ADGRG2: variants seen among roughly 807,000 people sequenced by gnomAD.
ADGRG2 encodes adhesion G protein-coupled receptor G2.
ADGRG2 carries 26 observed loss-of-function variants against 74.1 expected under a neutral mutation model. The ratio of observed to expected loss-of-function variants is 0.35; its 90% CI spans 0.26 to 0.49. The LOEUF (loss-of-function observed/expected upper bound fraction) is 0.49. Ranked by LOEUF, ADGRG2 falls within the 20% of genes least tolerant of loss-of-function variation. ADGRG2 has a pLI of 0.99. For synonymous variants in ADGRG2, 296 were observed against 295.2 expected, an observed-to-expected ratio of 1.00 and a Z score of -0.03; for missense variants, 619 against 763.1, an observed-to-expected ratio of 0.81 and a Z score of 2.22.
chrX:19,100,174 A>G (rs1427896359), intron 1 of ADGRG2, among the ~76,000 whole-genome samples: 1 of 112,883 alleles, frequency 8.9e-6, no homozygotes, highest in Non-Finnish European at 1.9e-5. Context: ...TTCAACACTC[A>G]GATGACATCG....
chrX:19,016,981 G>A (rs981203080), intron 15 of ADGRG2, among the ~76,000 whole-genome samples: 4 of 110,664 alleles, frequency 3.6e-5, no homozygotes, highest in African/African-American at 1.3e-4. Context: ...CTCCCACCTC[G>A]GCCTCCCAAA....
chrX:19,049,139 T>C (rs1224254867), intron 3 of ADGRG2, among the ~76,000 whole-genome samples: 3 of 112,186 alleles, frequency 2.7e-5, no homozygotes, highest in African/African-American at 9.7e-5. Context: ...CTGGAACACT[T>C]TTCCCCCAGA....
intron 11 of ADGRG2, among the ~76,000 whole-genome samples, chrX:19,024,183 T>C (rs1313249096): frequency 8.9e-6 from 1 of 112,050 alleles, no homozygotes; most frequent in East Asian, 2.8e-4. Context: ...AAGTGAGTTA[T>C]AAATTATGAT....
rs1017785243 is a variant in ADGRG2 at position 19,068,439 on chromosome X, G to C, written c.118+278C>G. 3.7e-5 allele frequency among the ~76,000 whole-genome samples: 4 copies of C among 109,366 alleles called. No homozygotes were observed. The Admixed American group carries it at 3.9e-4, about 11-fold the overall frequency. 95.0% of individuals were successfully genotyped at this position (109,366 alleles called of 115,157 possible). On this transcript the variant is annotated intron_variant, in intron 3 of 28. Coordinates refer to ENST00000379869, the MANE Select transcript of ADGRG2 (RefSeq NM_001079858.3). ...AATACATAGAAAGAACAGGAACAGAGGTTACCAGGAAGGGGTGGGGGGGAA... is the reference window on the plus strand; with the variant it reads ...AATACATAGAAAGAACAGGAACAGACGTTACCAGGAAGGGGTGGGGGGGAA...
chrX:19,106,374 C>T (rs1324362867), intron 1 of ADGRG2, among the ~76,000 whole-genome samples: 1 of 110,301 alleles, frequency 9.1e-6, no homozygotes, highest in Non-Finnish European at 1.9e-5. Flanking sequence ...AAACAGACAC[C>T]TAGTTGCTCT....
chrX:19,041,498 A>G (rs1025774550), intron 3 of ADGRG2, among the ~76,000 whole-genome samples: 5 of 112,275 alleles, frequency 4.5e-5, no homozygotes, highest in Non-Finnish European at 7.5e-5. Context: ...AATAGGAAAG[A>G]ATAAGTATGT....
chrX:19,097,760 C>T, intron 1 of ADGRG2, among the ~76,000 whole-genome samples: 1 of 111,718 alleles, frequency 9.0e-6, no homozygotes, highest in Non-Finnish European at 1.9e-5. Context: ...TGCTCAGGCA[C>T]CTTCCCATTC....
intron 3 of ADGRG2, among the ~76,000 whole-genome samples, chrX:19,064,835 T>A (rs941323334): frequency 2.7e-5 from 3 of 111,903 alleles, no homozygotes; most frequent in Admixed American, 9.5e-5. Flanking sequence ...TTAACTCCTC[T>A]GTGCCTCAAT....
chrX:19,104,559 T>C (rs2062246128), intron 1 of ADGRG2, among the ~76,000 whole-genome samples: 1 of 111,683 alleles, frequency 9.0e-6, no homozygotes, highest in African/African-American at 3.3e-5. Flanking sequence ...TAGGATTTTA[T>C]TAAAATTAAC....
intron 3 of ADGRG2, among the ~76,000 whole-genome samples, chrX:19,045,711 G>C (rs2061172634): frequency 9.1e-6 from 1 of 110,093 alleles, no homozygotes; most frequent in African/African-American, 3.3e-5. Context: ...CTCATACCCG[G>C]GTGTAAAATT....
chrX:19,067,707 C>T (rs1310676867), intron 3 of ADGRG2, among the ~76,000 whole-genome samples: 1 of 111,895 alleles, frequency 8.9e-6, no homozygotes. Flanking sequence ...AAACACCCCA[C>T]AGAATGGGAG....
chrX:19,038,192 C>T (rs1016090580), intron 4 of ADGRG2, among the ~76,000 whole-genome samples: 7 of 112,458 alleles, frequency 6.2e-5, no homozygotes, highest in South Asian at 3.6e-4. Context: ...GGAATGACTC[C>T]ACTTAAGCTA....
At chrX:19,050,582 C>A (rs2061299791) in intron 3 of ADGRG2, among the ~76,000 whole-genome samples, 1 of 111,702 alleles carries the variant, frequency 9.0e-6, no homozygotes, top group Admixed American at 9.5e-5. Flanking sequence ...ACATTAATAT[C>A]ACCCCCAGGG....
At chrX:19,053,404 C>T (rs1168243277) in intron 3 of ADGRG2, among the ~76,000 whole-genome samples, 1 of 110,863 alleles carries the variant, frequency 9.0e-6, no homozygotes, top group Non-Finnish European at 1.9e-5. Flanking sequence ...CAGGAATCGG[C>T]CTGCCAGCAG....
chrX:19,008,797 A>G (rs1193768870), intron 18 of ADGRG2, among the ~76,000 whole-genome samples: 5 of 112,416 alleles, frequency 4.4e-5, no homozygotes, highest in Non-Finnish European at 9.4e-5. Flanking sequence ...CTGTAGCAGC[A>G]GACACACCAA....
chrX:18,989,917 C>A lies in ADGRG2; in HGVS notation c.*947G>T, dbSNP rs1001895492. The A allele has an allele frequency of 8.9e-6, 1 of 112,354 alleles. No homozygotes were observed. Among genetic ancestry groups the A allele is most frequent in the African/African-American group, 3.2e-5 (1 of 30,853 alleles). 9.3% of individuals were successfully genotyped at this position (112,354 alleles called of 1,213,427 possible). On this transcript the variant is annotated 3_prime_UTR_variant, in exon 29 of 29. Coordinates refer to ENST00000379869, the MANE Select transcript of ADGRG2 (RefSeq NM_001079858.3). ...AGTGTATGTACCTCATCTACGTTCA[C>A]AATTTTCCTGACACATGGTCTGGAT...
intron 3 of ADGRG2, among the ~76,000 whole-genome samples, chrX:19,053,753 C>T (rs111958376): frequency 0.084 from 9,393 of 111,474 alleles, 349 homozygotes; most frequent in African/African-American, 0.12. Flanking sequence ...TAAAGACATA[C>T]CCAAGACTGG....
chrX:18,995,711 G>GATTTTAAAAATTACCAAGGTAA (rs1288586395), intron 27 of ADGRG2, among the ~76,000 whole-genome samples: 2 of 111,971 alleles, frequency 1.8e-5, no homozygotes, highest in African/African-American at 6.5e-5. Flanking sequence ...ATTGAGTTGA[G>GATTTTAAAAATTACCAAGGTAA]ATTTTAAAAA....
intron 19 of ADGRG2, among the ~76,000 whole-genome samples, chrX:19,007,657 C>T (rs961990181): frequency 2.7e-5 from 3 of 111,950 alleles, no homozygotes; most frequent in Non-Finnish European, 1.9e-5. Flanking sequence ...AGTCACTTAA[C>T]GTCTCTCTGC....
Sources: gnomAD v4.1 joint callset for allele counts (sites outside exome capture counted in the v4.1 genomes callset) on GRCh38, gnomAD v4.1.1 for gene constraint, MANE v1.5 for transcripts, NCBI Gene and HGNC (gene_info 2026-07-23, HGNC 2026-07-21) for gene names.